Variants in CYRIB observed in about 807,000 individuals in gnomAD.
CYRIB encodes CYFIP related Rac1 interactor B.
A neutral mutation model predicts 44.2 loss-of-function variants in CYRIB; 8 were observed. The ratio of observed to expected loss-of-function variants is 0.18; its 90% CI spans 0.11 to 0.33. The LOEUF (loss-of-function observed/expected upper bound fraction) is 0.33, where lower values mean the gene tolerates loss of function less well. CYRIB is among the 10% of genes least tolerant of loss of function. CYRIB has a pLI of 1.00. For missense variants in CYRIB, 185 were observed against 382.8 expected (o/e 0.48, Z 4.31); for synonymous variants, 131 against 127.2 (o/e 1.03, Z -0.20).
intron 4 of CYRIB, among the ~76,000 whole-genome samples, chr8:129,870,622 C>T (rs965251468): frequency 6.6e-6 from 1 of 152,124 alleles, no homozygotes; most frequent in Non-Finnish European, 1.5e-5. Flanking sequence ...ACCCTGATGA[C>T]CTCTGCACTC....
chr8:129,925,944 G>A (rs542504280), intron 1 of CYRIB, among the ~76,000 whole-genome samples: 1 of 152,328 alleles, frequency 6.6e-6, no homozygotes, highest in African/African-American at 2.4e-5. Flanking sequence ...CTAACAACAC[G>A]TGTCAAAAAC....
chr8:129,943,129 T>C (rs2093857914), upstream of CYRIB, among the ~76,000 whole-genome samples: 1 of 123,494 alleles, frequency 8.1e-6, no homozygotes, highest in Non-Finnish European at 1.6e-5. Context: ...GCTGAGGGTC[T>C]GGGAAGAAGG....
intron 2 of CYRIB, among the ~76,000 whole-genome samples, chr8:129,966,606 T>C (rs986611214): frequency 2.6e-5 from 4 of 152,232 alleles, no homozygotes; most frequent in Non-Finnish European, 4.4e-5. Flanking sequence ...CTCATGCCTG[T>C]AATCCTAGCA....
intron 1 of CYRIB, among the ~76,000 whole-genome samples, chr8:129,992,250 G>A (rs546806536): frequency 4.3e-4 from 65 of 150,550 alleles, no homozygotes; most frequent in South Asian, 1.1e-3. Flanking sequence ...GAGCTCAGGC[G>A]GTCAAGGCCC....
intron 1 of CYRIB, among the ~76,000 whole-genome samples, chr8:129,938,174 A>G (rs1386678389): frequency 1.3e-5 from 2 of 152,214 alleles, no homozygotes; most frequent in African/African-American, 4.8e-5. Flanking sequence ...AGGGAGTTTC[A>G]GTTAACTGCA....
chr8:129,926,023 C>T (rs1026108374), intron 1 of CYRIB, among the ~76,000 whole-genome samples: 12 of 152,238 alleles, frequency 7.9e-5, no homozygotes, highest in Admixed American at 3.9e-4. Context: ...TTAGAAGTCA[C>T]GATCCATTTT....
intron 1 of CYRIB, among the ~76,000 whole-genome samples, chr8:129,976,691 C>T (rs1041092994): frequency 4.6e-5 from 7 of 151,980 alleles, no homozygotes; most frequent in Non-Finnish European, 1.0e-4. Flanking sequence ...CCTCTCTGAG[C>T]GTGAATTTGG....
intron 1 of CYRIB, among the ~76,000 whole-genome samples, chr8:129,973,703 G>A (rs1345308538): frequency 6.6e-6 from 1 of 152,214 alleles, no homozygotes; most frequent in African/African-American, 2.4e-5. Flanking sequence ...ATACTCGCCT[G>A]TAGTCCCAGC....
intron 1 of CYRIB, among the ~76,000 whole-genome samples, chr8:129,933,285 G>A (rs932416115): frequency 5.9e-5 from 9 of 152,176 alleles, no homozygotes; most frequent in African/African-American, 2.2e-4. Context: ...CTGCTTTAAT[G>A]AGCAAGATGG....
At chr8:129,980,353 C>T (rs546943087) in intron 1 of CYRIB, among the ~76,000 whole-genome samples, 4 of 152,178 alleles carry the variant, frequency 2.6e-5, no homozygotes, top group African/African-American at 7.2e-5. Flanking sequence ...AACTACATAG[C>T]GTGGTGCTTA....
intron 8 of CYRIB, chr8:129,851,642 C>G (rs1185563255): frequency 6.6e-6 from 1 of 152,236 alleles, no homozygotes; most frequent in Non-Finnish European, 1.5e-5. Flanking sequence ...AACCCCATCT[C>G]TACTAAAAAT....
At chr8:129,881,645 T>C (rs911450512) in intron 2 of CYRIB, among the ~76,000 whole-genome samples, 3 of 152,242 alleles carry the variant, frequency 2.0e-5, no homozygotes, top group African/African-American at 7.2e-5. Flanking sequence ...AATTTATTCA[T>C]ATATGGTAAG....
At chr8:129,916,337 C>T (rs915620150) in intron 1 of CYRIB, among the ~76,000 whole-genome samples, 1 of 152,078 alleles carries the variant, frequency 6.6e-6, no homozygotes, top group Non-Finnish European at 1.5e-5. Flanking sequence ...TTATTTCTAT[C>T]ACACAAATAC....
At chr8:129,850,852 T>C (rs1343050823) in exon 9 of CYRIB, 2 of 1,612,894 alleles carry the variant, frequency 1.2e-6, no homozygotes, top group South Asian at 1.1e-5. Flanking sequence ...CCAGCATGAC[T>C]CTGCATACAC....
At chr8:129,846,306 G>C (rs746470704) in intron 11 of CYRIB, among the ~76,000 whole-genome samples, 97 of 152,244 alleles carry the variant, frequency 6.4e-4, no homozygotes, top group Non-Finnish European at 1.2e-3. Context: ...TAAGAGGAAA[G>C]AGCTAGTTAC....
intron 4 of CYRIB, among the ~76,000 whole-genome samples, chr8:129,867,131 T>C (rs1245617042): frequency 2.0e-5 from 3 of 152,124 alleles, no homozygotes; most frequent in African/African-American, 7.2e-5. Context: ...TCTGTCTCTA[T>C]TGATTTATTT....
At chr8:129,839,944 T>C (rs1050929587) in exon 12 of CYRIB, 1 of 151,890 alleles carries the variant, frequency 6.6e-6, no homozygotes, top group Non-Finnish European at 1.5e-5. Context: ...CTGGGTACTG[T>C]GCAAGATCCT....
At chr8:129,967,425 G>T (rs1233072027) in intron 2 of CYRIB, among the ~76,000 whole-genome samples, 2 of 151,058 alleles carry the variant, frequency 1.3e-5, no homozygotes, top group Non-Finnish European at 2.9e-5. Flanking sequence ...TGTCGCCCAG[G>T]CTGGAGTGCA....
intron 1 of CYRIB, among the ~76,000 whole-genome samples, chr8:130,014,082 A>G (rs2097287750): frequency 6.6e-6 from 1 of 152,184 alleles, no homozygotes; most frequent in Non-Finnish European, 1.5e-5. Flanking sequence ...TCTAAGTCTC[A>G]GGAAAACGAG....
Sources: gnomAD v4.1 joint callset for allele counts (sites outside exome capture counted in the v4.1 genomes callset) on GRCh38, gnomAD v4.1.1 for gene constraint, MANE v1.5 for transcripts, NCBI Gene and HGNC (gene_info 2026-07-23, HGNC 2026-07-21) for gene names.